Variants in MSTO1 observed in about 807,000 individuals in gnomAD.
MSTO1 encodes the protein protein misato homolog 1.
MSTO1 carries 24 observed loss-of-function variants against 55.7 expected under a neutral mutation model. That is an observed-to-expected ratio of 0.43 (90% CI 0.31 to 0.61). MSTO1 has a LOEUF of 0.61. Among genes scored for constraint, MSTO1 ranks in the 20% least tolerant of loss-of-function variants. MSTO1 has a pLI of 0.09. For missense variants in MSTO1, 363 were observed against 625.7 expected (o/e 0.58, Z 4.48); for synonymous variants, 162 against 252.8 (o/e 0.64, Z 3.41).
chr1:155,565,440 C>A, the MSTO1 span, among the ~76,000 whole-genome samples: 1 of 152,158 alleles, frequency 6.6e-6, no homozygotes, highest in African/African-American at 2.4e-5. Flanking sequence ...ATAAACAACA[C>A]TTTGAGGTAG....
the MSTO1 span, chr1:155,602,199 C>A: frequency 1.5e-6 from 1 of 666,734 alleles, no homozygotes. Context: ...CACTTCCTGG[C>A]CGGGCTTTGT....
chr1:155,612,525 C>T lies in MSTO1; in HGVS notation c.921C>T (p.Gly307=). ...CCTTGTCCTTGGGTGGGAGCCTGGGCCTGCGACCCGAGCCACCTGTCAGCT... is the reference window on the plus strand; with the variant it reads ...CCTTGTCCTTGGGTGGGAGCCTGGGTCTGCGACCCGAGCCACCTGTCAGCT... ...VCPLSLGGSL[G]LRPEPPVSFP... The change falls in exon 9 of 14, where the codon GGC becomes GGT. Residue 307 remains glycine, a synonymous_variant. Transcript: ENST00000245564. The T allele has an allele frequency of 1.2e-6, 2 of 1,613,522 alleles. No individual in the cohort carries two copies. Among genetic ancestry groups the T allele is most frequent in the Non-Finnish European group, 1.7e-6 (2 of 1,179,960 alleles).
chr1:155,593,690 C>T, the MSTO1 span, among the ~76,000 whole-genome samples: 12 of 152,178 alleles, frequency 7.9e-5, no homozygotes, highest in African/African-American at 2.2e-4. Context: ...CCATTCGGGC[C>T]GGGTGCGGTG....
At chr1:155,606,784 G>C (rs1672943018), upstream of MSTO1, among the ~76,000 whole-genome samples, 2 of 151,952 alleles carry the variant, frequency 1.3e-5, no homozygotes, top group South Asian at 4.1e-4. Flanking sequence ...GCCTTCCAAA[G>C]TGCTGGGATT....
the MSTO1 span, among the ~76,000 whole-genome samples, chr1:155,564,637 C>T: frequency 6.6e-6 from 1 of 152,174 alleles, no homozygotes; most frequent in Admixed American, 6.5e-5. Flanking sequence ...GCCTTAATTA[C>T]CTCATTGTAT....
chr1:155,598,975 G>C, the MSTO1 span: 1 of 1,017,890 alleles, frequency 9.8e-7, no homozygotes, highest in Non-Finnish European at 1.5e-6. Context: ...TACCGTGGTA[G>C]TCTTGTAGCT....
At chr1:155,570,605 C>T in the MSTO1 span, among the ~76,000 whole-genome samples, 10 of 152,232 alleles carry the variant, frequency 6.6e-5, no homozygotes, top group Non-Finnish European at 1.3e-4. Context: ...AGGGTGAGCA[C>T]GGTACTATGA....
the MSTO1 span, among the ~76,000 whole-genome samples, chr1:155,567,117 C>A: frequency 1.3e-5 from 2 of 151,504 alleles, no homozygotes; most frequent in Non-Finnish European, 2.9e-5. Flanking sequence ...GCTATGTAAT[C>A]ATAAGAGTTG....
upstream of MSTO1, among the ~76,000 whole-genome samples, chr1:155,609,243 A>ATATTTTTTTTTTTTTT (rs59756178): frequency 1.8e-5 from 1 of 54,588 alleles, no homozygotes; most frequent in Non-Finnish European, 3.0e-5. Flanking sequence ...ATATATATAT[A>ATATTTTTTTTTTTTTT]TTTTTTTTTT....
the MSTO1 span, among the ~76,000 whole-genome samples, chr1:155,583,478 C>CAGTG: frequency 3.1e-4 from 47 of 151,984 alleles, no homozygotes; most frequent in Admixed American, 2.8e-3. Context: ...TTAGAGGCTG[C>CAGTG]AGTGAGCTAT....
chr1:155,601,045 C>T, the MSTO1 span, among the ~76,000 whole-genome samples: 1 of 148,744 alleles, frequency 6.7e-6, no homozygotes, highest in South Asian at 2.1e-4. Context: ...GTCTCAAGCT[C>T]CTGACCTCAG....
upstream of MSTO1, among the ~76,000 whole-genome samples, chr1:155,609,239 ATATATTT>A (rs1465536017): frequency 3.7e-5 from 1 of 27,250 alleles, no homozygotes; most frequent in South Asian, 1.9e-3. Flanking sequence ...ATATATATAT[ATATATTT>A]TTTTTTTTTT....
chr1:155,598,782 T>A, the MSTO1 span: 1 of 967,548 alleles, frequency 1.0e-6, no homozygotes, highest in Non-Finnish European at 1.6e-6. Flanking sequence ...ACCTTTCTAG[T>A]CACCTTGTAG....
chr1:155,582,198 A>G, the MSTO1 span, among the ~76,000 whole-genome samples: 1 of 151,980 alleles, frequency 6.6e-6, no homozygotes, highest in African/African-American at 2.4e-5. Flanking sequence ...GCCAACCATC[A>G]GTCATTTCTC....
the MSTO1 span, among the ~76,000 whole-genome samples, chr1:155,587,745 GAAAAAAAA>G: frequency 4.2e-5 from 2 of 47,424 alleles, no homozygotes; most frequent in Non-Finnish European, 8.7e-5. Flanking sequence ...CTCCGTCTCA[GAAAAAAAA>G]AAAAAAAAAA....
the MSTO1 span, among the ~76,000 whole-genome samples, chr1:155,571,354 G>A: frequency 1.2e-4 from 18 of 152,240 alleles, no homozygotes; most frequent in Non-Finnish European, 2.5e-4. Context: ...CTCATCAGCT[G>A]TTGTTAGTGT....
the MSTO1 span, among the ~76,000 whole-genome samples, chr1:155,581,309 T>G: frequency 6.6e-6 from 1 of 152,238 alleles, no homozygotes; most frequent in South Asian, 2.1e-4. Context: ...AGCAGAACTC[T>G]TTTGTCTTGG....
rs765740863 is a variant in MSTO1 at position 155,613,166 on chromosome 1, C to A, written c.1216C>A (p.Pro406Thr). 1 of 1,614,092 alleles carries A rather than the reference C, an allele frequency of 6.2e-7. No individual in the cohort carries two copies. The highest frequency in any genetic ancestry group is 8.5e-7 in the Non-Finnish European group (1 of 1,180,010). ...PWTPLSACGE[P>T]SGTRCFAQSV... Reference sequence around the variant, plus strand: ...GACCCCACTGTCTGCATGTGGGGAGCCTTCTGGAACACGTTGCTTTGCCCA... The same window carrying A: ...GACCCCACTGTCTGCATGTGGGGAGACTTCTGGAACACGTTGCTTTGCCCA... The change falls in exon 11 of 14, where the codon CCT (proline) becomes ACT (threonine). Residue 406 changes from proline to threonine, a missense_variant. Physicochemically the swap from Pro to Thr is conservative, Grantham distance 38 (BLOSUM62 -1). Around this residue, in one of 3 missense-constraint regions of MSTO1, gnomAD observed 231 missense variants for 286.9 expected, o/e 0.81. Transcript: ENST00000245564.
At chr1:155,590,659 G>A in the MSTO1 span, 6 of 1,426,370 alleles carry the variant, frequency 4.2e-6, no homozygotes, top group Non-Finnish European at 4.8e-6. Context: ...AGGGGCAGAT[G>A]TCCAGTAGCG....
Sources: allele counts gnomAD v4.1 joint callset (sites outside exome capture counted in the v4.1 genomes callset), GRCh38; gene constraint gnomAD v4.1.1; regional missense constraint gnomAD v4.1.1; transcripts MANE v1.5; gene names NCBI Gene and HGNC (gene_info 2026-07-23, HGNC 2026-07-21).